Variants in ADARB2 observed in about 807,000 individuals in gnomAD.
ADARB2 encodes inactive double-stranded RNA-specific editase B2.
Under a neutral mutation model 62.2 loss-of-function variants are expected in ADARB2, and 25 were observed. The observed-to-expected ratio is 0.40, with a 90% CI of 0.29 to 0.56. The LOEUF (loss-of-function observed/expected upper bound fraction) is 0.56. Ranked by LOEUF, ADARB2 falls within the 20% of genes least tolerant of loss-of-function variation. The probability of loss-of-function intolerance (pLI) is 0.43; values close to 1 mark genes in which losing one functional copy is unlikely to be tolerated. For missense variants in ADARB2, 1,071 were observed against 1,077.4 expected (o/e 0.99, Z 0.08); for synonymous variants, 572 against 500.8 (o/e 1.14, Z -1.90).
At chr10:1,376,988 T>C (rs116931597) in intron 2 of ADARB2, among the ~76,000 whole-genome samples, 32,324 of 121,322 alleles carry the variant, frequency 0.27, 5,699 homozygotes, top group Non-Finnish European at 0.35. Flanking sequence ...TGTGTGTGTG[T>C]GGTGCGTCCC....
At chr10:1,585,108 G>A (rs1833156246) in intron 1 of ADARB2, among the ~76,000 whole-genome samples, 1 of 152,106 alleles carries the variant, frequency 6.6e-6, no homozygotes, top group Non-Finnish European at 1.5e-5. Context: ...TGTAAACTGT[G>A]AACTCTGGGT....
At chr10:1,512,260 G>T (rs376907759) in intron 1 of ADARB2, among the ~76,000 whole-genome samples, 3 of 151,342 alleles carry the variant, frequency 2.0e-5, no homozygotes, top group Non-Finnish European at 4.4e-5. Context: ...ACACCAAGAC[G>T]TTGATGCTTC....
At chr10:1,735,682 C>T (rs1020179428) in intron 1 of ADARB2, among the ~76,000 whole-genome samples, 6 of 152,296 alleles carry the variant, frequency 3.9e-5, no homozygotes, top group Middle Eastern at 3.4e-3. Flanking sequence ...GAATCGCAAG[C>T]GCACACTTAG....
chr10:1,690,578 A>G (rs1834655866), intron 1 of ADARB2, among the ~76,000 whole-genome samples: 1 of 152,140 alleles, frequency 6.6e-6, no homozygotes, highest in Admixed American at 6.5e-5. Flanking sequence ...GGGCTGGTGA[A>G]AAATAACTGG....
At chr10:1,676,629 C>T (rs970029995) in intron 1 of ADARB2, among the ~76,000 whole-genome samples, 6 of 152,128 alleles carry the variant, frequency 3.9e-5, no homozygotes, top group Non-Finnish European at 5.9e-5. Flanking sequence ...GTAGCTGGGA[C>T]TACAGGCACC....
intron 3 of ADARB2, among the ~76,000 whole-genome samples, chr10:1,333,769 C>T (rs184585968): frequency 1.2e-4 from 18 of 152,262 alleles, no homozygotes; most frequent in Admixed American, 3.3e-4. Context: ...TGAGAGGAGC[C>T]GTCTGAGGTG....
At chr10:1,663,432 G>A (rs1834274318) in intron 1 of ADARB2, among the ~76,000 whole-genome samples, 2 of 152,126 alleles carry the variant, frequency 1.3e-5, no homozygotes, top group African/African-American at 2.4e-5. Flanking sequence ...TCCGTGCTCC[G>A]CCTGCTCATC....
intron 3 of ADARB2, among the ~76,000 whole-genome samples, chr10:1,281,589 A>T (rs977822652): frequency 6.6e-6 from 1 of 152,238 alleles, no homozygotes; most frequent in Non-Finnish European, 1.5e-5. Flanking sequence ...ATTTCTCAGC[A>T]CGGTGCCAGC....
intron 1 of ADARB2, among the ~76,000 whole-genome samples, chr10:1,404,090 C>T (rs1832686666): frequency 6.6e-6 from 1 of 152,220 alleles, no homozygotes; most frequent in East Asian, 1.9e-4. Context: ...AGCTCTAGGC[C>T]AACAAAGATG....
chr10:1,259,822 C>T (rs1479311242), intron 4 of ADARB2, among the ~76,000 whole-genome samples: 1 of 152,172 alleles, frequency 6.6e-6, no homozygotes, highest in Non-Finnish European at 1.5e-5. Flanking sequence ...CATCCTGATA[C>T]CAAAGCCTGG....
rs371895046 is a variant in ADARB2, at chr10:1,712,311, T to C, written c.100+24740A>G. Reference sequence around the variant, plus strand: ...AGCAGAAATGCAACAGTTTATTATGTAAAAATTAATATTTTTTGAAAGATT... The same window carrying C: ...AGCAGAAATGCAACAGTTTATTATGCAAAAATTAATATTTTTTGAAAGATT... On this transcript the variant is annotated intron_variant, in intron 1 of 9. Coordinates refer to ENST00000381312, the MANE Select transcript of ADARB2 (RefSeq NM_018702.4). Among the ~76,000 whole-genome samples, 9 of 152,326 alleles carry C rather than the reference T, an allele frequency of 5.9e-5. No homozygotes were observed. In the South Asian group the frequency reaches 1.9e-3, roughly 32 times the overall value.
At chr10:1,400,506 G>GA (rs1239649671) in intron 1 of ADARB2, among the ~76,000 whole-genome samples, 39 of 152,236 alleles carry the variant, frequency 2.6e-4, no homozygotes, top group African/African-American at 9.2e-4. Flanking sequence ...TAGATGCCCT[G>GA]AAAATCAATC....
chr10:1,405,240 T>C (rs1321007008), intron 1 of ADARB2, among the ~76,000 whole-genome samples: 1 of 152,176 alleles, frequency 6.6e-6, no homozygotes, highest in African/African-American at 2.4e-5. Flanking sequence ...TTCCAAAAAC[T>C]CATGAAGCAT....
chr10:1,451,658 CACACCTGTATAACAG>C, intron 1 of ADARB2, among the ~76,000 whole-genome samples: 1 of 33,644 alleles, frequency 3.0e-5, no homozygotes, highest in South Asian at 6.4e-4. Flanking sequence ...GAGAAGGGGA[CACACCTGTATAACAG>C]GGGACACACC....
intron 6 of ADARB2, among the ~76,000 whole-genome samples, chr10:1,219,333 C>T (rs1830660897): frequency 6.6e-6 from 1 of 152,234 alleles, no homozygotes; most frequent in East Asian, 1.9e-4. Context: ...GAACTTTCTC[C>T]TAAAGATCCC....
chr10:1,453,353 T>C (rs1387545385), intron 1 of ADARB2, among the ~76,000 whole-genome samples: 2 of 152,388 alleles, frequency 1.3e-5, no homozygotes, highest in Non-Finnish European at 2.9e-5. Flanking sequence ...AAATCCAATG[T>C]CATGACGCTT....
chr10:1,388,739 G>A (rs1243073670), intron 1 of ADARB2, among the ~76,000 whole-genome samples: 3 of 152,048 alleles, frequency 2.0e-5, no homozygotes, highest in Non-Finnish European at 2.9e-5. Context: ...AAATAGAAAT[G>A]TATGCCATTT....
chr10:1,632,329 G>C (rs911700746), intron 1 of ADARB2, among the ~76,000 whole-genome samples: 1 of 151,628 alleles, frequency 6.6e-6, no homozygotes, highest in Non-Finnish European at 1.5e-5. Flanking sequence ...CAATACTCAC[G>C]TGCACACACA....
At chr10:1,365,924 C>T (rs1247796224) in intron 2 of ADARB2, among the ~76,000 whole-genome samples, 1 of 152,206 alleles carries the variant, frequency 6.6e-6, no homozygotes, top group African/African-American at 2.4e-5. Context: ...TACTATATAG[C>T]AGTTGCATGT....
Sources: gnomAD v4.1 joint callset for allele counts (sites outside exome capture counted in the v4.1 genomes callset) on GRCh38, gnomAD v4.1.1 for gene constraint, MANE v1.5 for transcripts, NCBI Gene and HGNC (gene_info 2026-07-23, HGNC 2026-07-21) for gene names.